Variants in SOX5 observed in about 807,000 individuals in gnomAD.
The protein encoded by SOX5 is SRY-box transcription factor 5.
A neutral mutation model predicts 92.0 loss-of-function variants in SOX5; 9 were observed. The ratio of observed to expected loss-of-function variants is 0.10; its 90% CI spans 0.06 to 0.17. The LOEUF (loss-of-function observed/expected upper bound fraction) is 0.17. SOX5 is among the 10% of genes least tolerant of loss of function. SOX5 has a pLI of 1.00. For missense variants in SOX5, 642 were observed against 944.5 expected, an observed-to-expected ratio of 0.68 and a Z score of 4.20; for synonymous variants, 344 against 336.3, an observed-to-expected ratio of 1.02 and a Z score of -0.25.
intron 3 of SOX5, among the ~76,000 whole-genome samples, chr12:23,783,209 C>T (rs565251507): frequency 2.0e-5 from 3 of 152,234 alleles, no homozygotes; most frequent in African/African-American, 7.2e-5. Context: ...CATTGTCTAT[C>T]TTGCTATTCA....
intron 4 of SOX5, among the ~76,000 whole-genome samples, chr12:24,020,865 CTT>C (rs1187107873): frequency 3.3e-5 from 5 of 152,184 alleles, no homozygotes; most frequent in Non-Finnish European, 5.9e-5. Context: ...AATCGCTTCT[CTT>C]CTTTCCCCTT....
chr12:23,563,297 A>G lies in SOX5; in HGVS notation c.1449T>C (p.Val483=). The change falls in exon 11 of 15, where the codon GTT becomes GTC. Residue 483 remains valine (V), a synonymous_variant. Coordinates refer to ENST00000451604, the MANE Select transcript of SOX5 (RefSeq NM_006940.6). The part of the protein sequence containing the change: ...EQQVLDGKVA[V]VNSLGLNNCR... ...AGTTATTGAGACCCAGACTATTCAC[A>G]ACAGCCACCTTCCCATCAAGCACCT... 6.2e-7 allele frequency: 1 copy of G among 1,614,070 alleles called. No homozygotes were observed. Among genetic ancestry groups the G allele is most frequent in the Non-Finnish European group, 8.5e-7 (1 of 1,179,942 alleles).
chr12:23,967,157 G>A (rs1248367283), intron 4 of SOX5, among the ~76,000 whole-genome samples: 3 of 152,066 alleles, frequency 2.0e-5, no homozygotes, highest in African/African-American at 7.2e-5. Flanking sequence ...CAATATATAA[G>A]ATGTATAGCA....
intron 11 of SOX5, among the ~76,000 whole-genome samples, chr12:23,555,011 A>G (rs1159148716): frequency 6.6e-6 from 1 of 152,160 alleles, no homozygotes; most frequent in Non-Finnish European, 1.5e-5. Context: ...GCTTTTATAA[A>G]GAGCAGTTCT....
At chr12:24,253,302 T>TAGATA (rs1326353210) in intron 3 of SOX5, among the ~76,000 whole-genome samples, 1 of 151,310 alleles carries the variant, frequency 6.6e-6, no homozygotes, top group Admixed American at 6.6e-5. Flanking sequence ...CTTTATCCTG[T>TAGATA]AAGTTTGCAG....
chr12:24,499,128 A>G (rs1947932459), intron 1 of SOX5, among the ~76,000 whole-genome samples: 1 of 152,198 alleles, frequency 6.6e-6, no homozygotes. Context: ...GCCATCAGAA[A>G]TTAAGTGTTT....
Position 24,034,280 on chromosome 12 carries a change from C to T in SOX5, c.-1-138256G>A, listed in dbSNP as rs76924665. Among the ~76,000 whole-genome samples the T allele has an allele frequency of 3.0e-3, 460 of 152,122 alleles. 1 individual carries two copies. The highest frequency in any genetic ancestry group is 5.0e-3 in the Non-Finnish European group (341 of 67,948). On this transcript the variant is annotated intron_variant, in intron 4 of 4. Coordinates refer to the SOX5 transcript ENST00000446891. ...TTCTCTAACACAATACACTTGGAAA[C>T]AAAAGGCAGATTATTAACTTTTAAA...
intron 1 of SOX5, among the ~76,000 whole-genome samples, chr12:24,372,789 C>G (rs995570750): frequency 5.3e-5 from 8 of 152,278 alleles, no homozygotes; most frequent in African/African-American, 1.4e-4. Context: ...TCTCCAGCAT[C>G]TGTTGTTTCC....
chr12:24,270,178 A>G (rs1431375100), intron 3 of SOX5, among the ~76,000 whole-genome samples: 1 of 151,904 alleles, frequency 6.6e-6, no homozygotes, highest in African/African-American at 2.4e-5. Context: ...TCTCTGCCTT[A>G]GCCTCCCGAG....
chr12:24,469,811 A>G (rs955975864), intron 1 of SOX5, among the ~76,000 whole-genome samples: 1 of 152,226 alleles, frequency 6.6e-6, no homozygotes, highest in African/African-American at 2.4e-5. Flanking sequence ...TCCTCCACTA[A>G]GCTTACTGAT....
intron 9 of SOX5, among the ~76,000 whole-genome samples, chr12:23,577,469 G>A (rs1032968609): frequency 1.3e-5 from 2 of 151,876 alleles, no homozygotes; most frequent in African/African-American, 4.8e-5. Context: ...AAAGTGCTGG[G>A]ATTACAGGCA....
intron 13 of SOX5, among the ~76,000 whole-genome samples, chr12:23,537,398 A>T (rs1273618661): frequency 6.6e-6 from 1 of 152,172 alleles, no homozygotes; most frequent in Non-Finnish European, 1.5e-5. Context: ...TAATTACTGA[A>T]GTACAGATCT....
chr12:23,824,239 C>T (rs2096183859), intron 3 of SOX5, among the ~76,000 whole-genome samples: 1 of 152,146 alleles, frequency 6.6e-6, no homozygotes, highest in South Asian at 2.1e-4. Flanking sequence ...CTGTTTTTTC[C>T]TCATCTTTGT....
At chr12:24,047,664 T>C (rs1439939539) in intron 4 of SOX5, among the ~76,000 whole-genome samples, 1 of 152,200 alleles carries the variant, frequency 6.6e-6, no homozygotes, top group Non-Finnish European at 1.5e-5. Context: ...ATGGTTTATT[T>C]CTTTATGCAA....
chr12:24,124,131 T>C (rs901462653), intron 4 of SOX5, among the ~76,000 whole-genome samples: 7 of 152,338 alleles, frequency 4.6e-5, no homozygotes, highest in African/African-American at 1.7e-4. Flanking sequence ...TAAAAGGACC[T>C]GTATCCTCCT....
At chr12:23,940,691 T>A (rs1233224723) in intron 1 of SOX5, among the ~76,000 whole-genome samples, 2 of 150,632 alleles carry the variant, frequency 1.3e-5, no homozygotes, top group Non-Finnish European at 1.5e-5. Flanking sequence ...TACTGGCAAA[T>A]ATAAATCTTA....
chr12:23,891,434 A>T (rs1356208083), intron 2 of SOX5, among the ~76,000 whole-genome samples: 1 of 152,196 alleles, frequency 6.6e-6, no homozygotes, highest in Non-Finnish European at 1.5e-5. Context: ...TAAGTTTTAT[A>T]CTGAAAGCAT....
intron 8 of SOX5, among the ~76,000 whole-genome samples, chr12:23,634,049 G>GGCC (rs2078902455): frequency 6.6e-6 from 1 of 151,974 alleles, no homozygotes; most frequent in African/African-American, 2.4e-5. Flanking sequence ...CAAGTTCCCT[G>GGCC]GCCATTAAAT....
At chr12:24,485,834 C>G (rs1357636441) in intron 1 of SOX5, among the ~76,000 whole-genome samples, 1 of 152,172 alleles carries the variant, frequency 6.6e-6, no homozygotes, top group Admixed American at 6.5e-5. Context: ...TACACATATT[C>G]AGTACATGCC....
Sources: gnomAD v4.1 joint callset for allele counts (sites outside exome capture counted in the v4.1 genomes callset) on GRCh38, gnomAD v4.1.1 for gene constraint, MANE v1.5 for transcripts, NCBI Gene and HGNC (gene_info 2026-07-23, HGNC 2026-07-21) for gene names.